Variants in EPHA3 observed in about 807,000 individuals in gnomAD.
EPHA3 encodes the protein EPH receptor A3.
In EPHA3, 42 loss-of-function variants were observed where a neutral mutation model predicts 107.1. The observed-to-expected ratio is 0.39, with a 90% CI of 0.31 to 0.51. The LOEUF (loss-of-function observed/expected upper bound fraction) is 0.51, where lower values mean the gene tolerates loss of function less well. EPHA3 is among the 20% of genes least tolerant of loss of function. The probability of loss-of-function intolerance (pLI) is 0.78; values close to 1 mark genes in which losing one functional copy is unlikely to be tolerated. For synonymous variants in EPHA3, 461 were observed against 424.8 expected (o/e 1.09, Z -1.05); for missense variants, 1,183 against 1,211.2 (o/e 0.98, Z 0.35).
At chr3:89,370,702 AAAAAT>A (rs1426159292) in intron 5 of EPHA3, among the ~76,000 whole-genome samples, 4 of 151,754 alleles carry the variant, frequency 2.6e-5, no homozygotes, top group Non-Finnish European at 5.9e-5. Context: ...ATATAGACAA[AAAAAT>A]AAAATAAAAT....
intron 3 of EPHA3, among the ~76,000 whole-genome samples, chr3:89,248,690 T>A (rs1448064980): frequency 1.3e-5 from 2 of 152,204 alleles, no homozygotes; most frequent in East Asian, 3.9e-4. Flanking sequence ...TCCCTGCAGC[T>A]TCATCATTGG....
At chr3:89,333,374 A>G (rs552196068) in intron 3 of EPHA3, among the ~76,000 whole-genome samples, 3 of 152,238 alleles carry the variant, frequency 2.0e-5, no homozygotes, top group Admixed American at 6.5e-5. Context: ...GCTTCCTTCT[A>G]TTATCTTACT....
At chr3:89,194,679 G>A (rs866642776) in intron 2 of EPHA3, among the ~76,000 whole-genome samples, 4 of 152,110 alleles carry the variant, frequency 2.6e-5, no homozygotes, top group Middle Eastern at 3.4e-3. Flanking sequence ...AAAAATACAT[G>A]TATTTTTTAT....
intron 1 of EPHA3, among the ~76,000 whole-genome samples, chr3:89,116,997 G>A (rs1165124502): frequency 6.6e-6 from 1 of 151,992 alleles, no homozygotes; most frequent in African/African-American, 2.4e-5. Context: ...GACTTTAAAG[G>A]CTCCAAACTG....
intron 5 of EPHA3, among the ~76,000 whole-genome samples, chr3:89,387,650 C>T (rs535917991): frequency 9.0e-4 from 137 of 152,104 alleles, no homozygotes; most frequent in South Asian, 4.2e-3. Flanking sequence ...ATGAAGATTG[C>T]TCTAATTCTG....
At chr3:89,426,917 A>G (rs1352549209) in intron 11 of EPHA3, among the ~76,000 whole-genome samples, 1 of 151,894 alleles carries the variant, frequency 6.6e-6, no homozygotes, top group East Asian at 1.9e-4. Context: ...CAGGCCAGGC[A>G]TCTAGAATCA....
intron 1 of EPHA3, among the ~76,000 whole-genome samples, chr3:89,111,257 A>T (rs1280449871): frequency 6.6e-6 from 1 of 151,980 alleles, no homozygotes; most frequent in Non-Finnish European, 1.5e-5. Context: ...TAAATAATCA[A>T]TTTTTTCATT....
At chr3:89,312,271 A>T (rs772787508) in intron 3 of EPHA3, among the ~76,000 whole-genome samples, 3 of 151,920 alleles carry the variant, frequency 2.0e-5, no homozygotes, top group Non-Finnish European at 4.4e-5. Context: ...TTTATTTATT[A>T]ATTCCATGCA....
At chr3:89,260,936 C>T (rs1484370714) in intron 3 of EPHA3, among the ~76,000 whole-genome samples, 1 of 152,180 alleles carries the variant, frequency 6.6e-6, no homozygotes, top group African/African-American at 2.4e-5. Flanking sequence ...CCTGCTATTT[C>T]TCAATACATA....
intron 2 of EPHA3, among the ~76,000 whole-genome samples, chr3:89,172,291 C>G (rs1038181548): frequency 6.6e-6 from 1 of 152,188 alleles, no homozygotes; most frequent in South Asian, 2.1e-4. Flanking sequence ...TGTGCCCAAA[C>G]CTTGTCAGAG....
chr3:89,118,804 C>T (rs1707313574), intron 1 of EPHA3, among the ~76,000 whole-genome samples: 1 of 151,644 alleles, frequency 6.6e-6, no homozygotes, highest in African/African-American at 2.4e-5. Context: ...ATGCTCTGTG[C>T]TCTTGAAGAT....
intron 11 of EPHA3, among the ~76,000 whole-genome samples, chr3:89,426,526 A>T (rs1334537444): frequency 6.6e-6 from 1 of 151,796 alleles, no homozygotes; most frequent in Non-Finnish European, 1.5e-5. Flanking sequence ...AGTTAAATGC[A>T]CGCTGATGTG....
chr3:89,141,192 C>G (rs1704425100), intron 2 of EPHA3, among the ~76,000 whole-genome samples: 1 of 151,518 alleles, frequency 6.6e-6, no homozygotes, highest in Admixed American at 6.6e-5. Flanking sequence ...GTGGAAAAGA[C>G]CAATACAGAG....
In EPHA3 at chr3:89,267,611, G is replaced by C. The variant is rs1705567624; in HGVS notation, c.814+57091G>C. On this transcript the variant is annotated intron_variant, in intron 3 of 16. Transcript: ENST00000336596. ...CACCATGGAGGAAGCTACATTAAAG[G>C]TAACGTCTTGGCAAGGAAATATTGC... Among the ~76,000 whole-genome samples the C allele has an allele frequency of 2.0e-5, 3 of 152,066 alleles. No homozygotes were observed. In the South Asian group the frequency reaches 6.2e-4, roughly 32 times the overall value.
At chr3:89,122,744 C>G (rs1707417494) in intron 1 of EPHA3, among the ~76,000 whole-genome samples, 1 of 152,148 alleles carries the variant, frequency 6.6e-6, no homozygotes, top group South Asian at 2.1e-4. Context: ...ACTCCAGAAA[C>G]TTGTACATTT....
At chr3:89,109,333 C>T (rs1482789672) in intron 1 of EPHA3, among the ~76,000 whole-genome samples, 5 of 151,880 alleles carry the variant, frequency 3.3e-5, no homozygotes, top group Admixed American at 1.3e-4. Flanking sequence ...ATTTGTATAA[C>T]GGGTAACATG....
chr3:89,351,639 C>T (rs2107442936), intron 5 of EPHA3, among the ~76,000 whole-genome samples: 1 of 151,244 alleles, frequency 6.6e-6, no homozygotes, highest in East Asian at 1.9e-4. Context: ...CTTGGCTCCT[C>T]CTGAGTCTCC....
At chr3:89,215,349 A>T (rs190033215) in intron 3 of EPHA3, among the ~76,000 whole-genome samples, 4 of 152,026 alleles carry the variant, frequency 2.6e-5, no homozygotes, top group African/African-American at 9.6e-5. Flanking sequence ...TTAATATGAA[A>T]AGTGAGAGAA....
At chr3:89,173,055 T>C (rs573373630) in intron 2 of EPHA3, among the ~76,000 whole-genome samples, 32 of 152,254 alleles carry the variant, frequency 2.1e-4, no homozygotes, top group African/African-American at 6.5e-4. Context: ...TCTGTAAATA[T>C]GTTTCATATG....
Sources: allele counts gnomAD v4.1 joint callset (sites outside exome capture counted in the v4.1 genomes callset), GRCh38; gene constraint gnomAD v4.1.1; transcripts MANE v1.5; gene names NCBI Gene and HGNC (gene_info 2026-07-23, HGNC 2026-07-21).